DNAH5: variants seen among roughly 807,000 people sequenced by gnomAD.
DNAH5 encodes the protein dynein axonemal heavy chain 5, also known as axonemal beta dynein heavy chain 5.
DNAH5 carries 372 observed loss-of-function variants against 518.2 expected under a neutral mutation model. That is an observed-to-expected ratio of 0.72 (90% CI 0.66 to 0.78). The LOEUF (loss-of-function observed/expected upper bound fraction) is 0.78, where lower values mean the gene tolerates loss of function less well. Among genes scored for constraint, DNAH5 ranks in the 30% least tolerant of loss-of-function variants. The probability of loss-of-function intolerance (pLI) is 0.00; values close to 1 mark genes in which losing one functional copy is unlikely to be tolerated. For missense variants in DNAH5, 5,523 were observed against 5,687.0 expected (o/e 0.97, Z 0.93); for synonymous variants, 2,039 against 2,025.9 (o/e 1.01, Z -0.17).
At chr5:13,813,043 T>C in intron 43 of DNAH5, among the ~76,000 whole-genome samples, 1 of 152,228 alleles carries the variant, frequency 6.6e-6, no homozygotes, top group East Asian at 1.9e-4. Flanking sequence ...TGACAGATTG[T>C]CAGCAACACA....
At chr5:13,828,646 T>A (rs1051943951) in intron 38 of DNAH5, among the ~76,000 whole-genome samples, 1 of 152,240 alleles carries the variant, frequency 6.6e-6, no homozygotes, top group African/African-American at 2.4e-5. Flanking sequence ...AAGTAAGTGG[T>A]CATGTTGGGG....
At chr5:13,854,086 T>C (rs920742022) in intron 30 of DNAH5, among the ~76,000 whole-genome samples, 2 of 151,980 alleles carry the variant, frequency 1.3e-5, no homozygotes, top group African/African-American at 4.8e-5. Flanking sequence ...TTCACCAAGG[T>C]TGAAATGAAG....
At chr5:13,728,206 G>T (rs752556192) in intron 69 of DNAH5, among the ~76,000 whole-genome samples, 27 of 152,076 alleles carry the variant, frequency 1.8e-4, no homozygotes, top group Non-Finnish European at 3.5e-4. Context: ...CTACCCTTAG[G>T]CAACTGGGAA....
intron 78 of DNAH5, among the ~76,000 whole-genome samples, chr5:13,693,119 A>G (rs1444305409): frequency 6.6e-6 from 1 of 152,100 alleles, no homozygotes; most frequent in Non-Finnish European, 1.5e-5. Context: ...CAGATTATAC[A>G]TTTTTTGAGG....
rs779724515 is a variant in DNAH5 at position 13,914,658 on chromosome 5, A to G, written c.1198-16T>C. On this transcript the variant is annotated splice_polypyrimidine_tract_variant and intron_variant, in intron 9 of 78. Transcript: ENST00000265104. ...GATTTGTCACCTGGGATTTTCCAAT[A>G]AAATGATGTTAAGCACATAAAACAG... The G allele has an allele frequency of 2.5e-6, 4 of 1,611,974 alleles. No homozygotes were observed. In the Admixed American group the frequency reaches 6.7e-5, roughly 27 times the overall value.
At chr5:13,749,235 T>C (rs966331278) in intron 65 of DNAH5, among the ~76,000 whole-genome samples, 1 of 137,650 alleles carries the variant, frequency 7.3e-6, no homozygotes, top group African/African-American at 2.8e-5. Context: ...AACGAGTGTC[T>C]GTTATTATGA....
At position 13,691,946 on chromosome 5, in the gene DNAH5, C is replaced by A. The variant is rs756083157; in HGVS notation, c.*38G>T. 1.2e-6 allele frequency: 2 copies of A among 1,613,524 alleles called. No individual in the cohort carries two copies. Among genetic ancestry groups the A allele is most frequent in the Non-Finnish European group, 1.7e-6 (2 of 1,179,552 alleles). ...AAAGGTTACAATAATTTAGATCTTGCATTTTCCAAAGCATTGGGTGGGGAC... is the reference window on the plus strand; with the variant it reads ...AAAGGTTACAATAATTTAGATCTTGAATTTTCCAAAGCATTGGGTGGGGAC... On this transcript the variant is annotated 3_prime_UTR_variant, in exon 79 of 79. Transcript: ENST00000265104.
In DNAH5 at chr5:13,860,106, C is replaced by T. The variant is rs771428450; in HGVS notation, c.4797-501G>A. ...CTGAGTCTCTTTCTAACTTCCCACGCACCTGTGTCCAACCCACTCATGTTT... is the reference window on the plus strand; with the variant it reads ...CTGAGTCTCTTTCTAACTTCCCACGTACCTGTGTCCAACCCACTCATGTTT... On this transcript the variant is annotated intron_variant, in intron 29 of 78. Transcript: ENST00000265104. 3.1e-4 allele frequency among the ~76,000 whole-genome samples: 47 copies of T among 152,188 alleles called. 1 individual carries two copies. The highest frequency in any genetic ancestry group is 1.1e-3 in the African/African-American group (46 of 41,448).
chr5:13,850,925 T>C, intron 30 of DNAH5, 110 bp from the exon 31 acceptor site: 1 of 1,086,260 alleles, frequency 9.2e-7, no homozygotes, highest in Middle Eastern at 2.8e-4. Context: ...AGTCCAGATA[T>C]CCAAGCAATA....
rs1740776209 is a variant in DNAH5 at position 13,692,139 on chromosome 5, C to CA, written c.13724-5dup. ...TAAAACCGAGGATCTCGTAAAGCTA[C>CA]AAAAAACATAAAAGAAAAGAACTTG... On this transcript the variant is annotated splice_polypyrimidine_tract_variant and splice_region_variant and intron_variant, in intron 78 of 78. Coordinates refer to ENST00000265104, the MANE Select transcript of DNAH5 (RefSeq NM_001369.3). 2 of 1,613,678 alleles carry CA rather than the reference C, an allele frequency of 1.2e-6. No homozygotes were observed. The highest frequency in any genetic ancestry group is 1.7e-6 in the Non-Finnish European group (2 of 1,179,884).
intron 32 of DNAH5, among the ~76,000 whole-genome samples, chr5:13,842,442 A>AGAAG (rs1554073403): frequency 9.1e-6 from 1 of 109,900 alleles, no homozygotes; most frequent in Non-Finnish European, 1.8e-5. Flanking sequence ...AAAGAAAGAA[A>AGAAG]GAAAGAAAGA....
In DNAH5 at chr5:13,842,441, A is replaced by AGAGAGAGAGAGAG. The variant is rs1765349629; in HGVS notation, c.5272-538_5272-537insCTCTCTCTCTCTC. On this transcript the variant is annotated intron_variant, in intron 32 of 78. Coordinates refer to ENST00000265104, the MANE Select transcript of DNAH5 (RefSeq NM_001369.3). ...AGAAAAGAAAAGAAAGAAAGAAAGA[A>AGAGAGAGAGAGAG]AGAAAGAAAGAAAGAAAGAAAGAAA... Among the ~76,000 whole-genome samples the AGAGAGAGAGAGAG allele has an allele frequency of 4.9e-5, 5 of 102,068 alleles. 1 individual carries two copies. The highest frequency in any genetic ancestry group is 2.2e-4 in the African/African-American group (5 of 23,202). The allele number at this position is 102,068 out of a possible 152,430, so 67.0% of individuals were successfully genotyped here.
intron 1 of DNAH5, among the ~76,000 whole-genome samples, chr5:14,011,232 C>CA (rs1785095690): frequency 1.3e-5 from 2 of 152,186 alleles, no homozygotes; most frequent in South Asian, 4.1e-4. Context: ...CAACGAACGA[C>CA]AGACACAAAA....
At chr5:13,764,286 G>A (rs1419486590) in intron 59 of DNAH5, among the ~76,000 whole-genome samples, 1 of 152,166 alleles carries the variant, frequency 6.6e-6, no homozygotes, top group Non-Finnish European at 1.5e-5. Flanking sequence ...AAGAATTTCT[G>A]TTTATCAAAA....
chr5:13,706,260 C>G (rs1265028970), intron 76 of DNAH5, among the ~76,000 whole-genome samples: 1 of 152,248 alleles, frequency 6.6e-6, no homozygotes, highest in Admixed American at 6.5e-5. Flanking sequence ...GCCTGCATTT[C>G]TGTCTTGATT....
chr5:13,982,673 TAG>T, intron 1 of DNAH5, among the ~76,000 whole-genome samples: 1 of 139,678 alleles, frequency 7.2e-6, no homozygotes, highest in Non-Finnish European at 1.6e-5. Flanking sequence ...CATGAGTGAG[TAG>T]ACATATGCAC....
rs1771878944 is a variant in DNAH5 at position 13,882,942 on chromosome 5, T to C, written c.3136A>G (p.Lys1046Glu). The C allele has an allele frequency of 6.2e-7, 1 of 1,614,020 alleles. No homozygotes were observed. Among genetic ancestry groups the C allele is most frequent in the Non-Finnish European group, 8.5e-7 (1 of 1,180,018 alleles). ...TCACTGCTCCACTGTCTGACCCCCTTAGGGACACTGATGATGCACTCCACG... is the reference window on the plus strand; with the variant it reads ...TCACTGCTCCACTGTCTGACCCCCTCAGGGACACTGATGATGCACTCCACG... ...KAVECIISVP[K>E]GVRQWSSELL... The change falls in exon 20 of 79, where the codon AAG becomes GAG. Residue 1046 changes from lysine to glutamate, a missense_variant. By Grantham distance (56) the Lys-to-Glu change is moderately conservative. Coordinates refer to ENST00000265104, the MANE Select transcript of DNAH5 (RefSeq NM_001369.3).
At chr5:13,730,986 G>A (rs1294101075) in intron 68 of DNAH5, among the ~76,000 whole-genome samples, 1 of 152,124 alleles carries the variant, frequency 6.6e-6, no homozygotes, top group African/African-American at 2.4e-5. Flanking sequence ...TTAAAGGCAT[G>A]AGCCACCGCG....
chr5:13,845,350 T>C (rs980656690), intron 31 of DNAH5, among the ~76,000 whole-genome samples: 8 of 55,506 alleles, frequency 1.4e-4, no homozygotes, highest in Middle Eastern at 6.9e-3. Flanking sequence ...GAGAGTAAGA[T>C]AAAAACACAC....
Sources: gnomAD v4.1 joint callset for allele counts (sites outside exome capture counted in the v4.1 genomes callset) on GRCh38, gnomAD v4.1.1 for gene constraint, MANE v1.5 for transcripts, NCBI Gene and HGNC (gene_info 2026-07-23, HGNC 2026-07-21) for gene names.